NCS1: variants seen among roughly 807,000 people sequenced by gnomAD.
NCS1 encodes the protein neuronal calcium sensor 1.
Under a neutral mutation model 28.4 loss-of-function variants are expected in NCS1, and 6 were observed. That is an observed-to-expected ratio of 0.21 (90% CI 0.12 to 0.42). NCS1 has a LOEUF of 0.42. NCS1 is among the 10% of genes least tolerant of loss of function. The pLI is 1.00. For missense variants in NCS1, 131 were observed against 241.4 expected (o/e 0.54, Z 3.03); for synonymous variants, 86 against 99.3 (o/e 0.87, Z 0.79).
chr9:130,217,774 G>A lies in NCS1; in HGVS notation c.90-58G>A. 3 of 1,611,640 alleles carry A rather than the reference G, an allele frequency of 1.9e-6. No homozygotes were observed. In the African/African-American group the frequency reaches 4.0e-5, roughly 21 times the overall value. ...GGGCCCCGGGCAGGCGATGTTGGTG[G>A]TGGGTGGGTGATGTTGGCGTCTCCT... On this transcript the variant is annotated intron_variant, in intron 2 of 7. Coordinates refer to ENST00000372398, the MANE Select transcript of NCS1 (RefSeq NM_014286.4).
chr9:130,174,052 A>G (rs1309738580), intron 1 of NCS1, among the ~76,000 whole-genome samples: 1 of 152,224 alleles, frequency 6.6e-6, no homozygotes, highest in Non-Finnish European at 1.5e-5. Context: ...CCCTGGGCAC[A>G]GGGGCTGTTC....
chr9:130,172,778 C>A, intron 1 of NCS1, 51 bp downstream of exon 1: 1 of 915,330 alleles, frequency 1.1e-6, no homozygotes, highest in Non-Finnish European at 1.5e-6. Context: ...CCCACACCCA[C>A]CGCCCCCGCC....
At chr9:130,174,752 G>A (rs1278507351) in intron 1 of NCS1, among the ~76,000 whole-genome samples, 21 of 139,082 alleles carry the variant, frequency 1.5e-4, no homozygotes, top group African/African-American at 4.9e-4. Context: ...CGGAGGTTGC[G>A]GTGAGGTGAG....
In NCS1 at chr9:130,203,046, ATGTGTGTGTG is replaced by A. The variant is rs113946626; in HGVS notation, c.89+2090_89+2099del. On this transcript the variant is annotated intron_variant, in intron 2 of 7. Coordinates refer to ENST00000372398, the MANE Select transcript of NCS1 (RefSeq NM_014286.4). ...CTGAGCTCTTGCCTCCAGGGTAAATATGTGTGTGTGTGTGTGTGTGTGTGTGTGTGTGTGT... is the reference window on the plus strand; with the variant it reads ...CTGAGCTCTTGCCTCCAGGGTAAATATGTGTGTGTGTGTGTGTGTGTGTGT... Among the ~76,000 whole-genome samples, 40 of 142,712 alleles carry A rather than the reference ATGTGTGTGTG, an allele frequency of 2.8e-4. No individual in the cohort carries two copies. In the South Asian group the frequency reaches 4.2e-3, roughly 15 times the overall value. The allele number at this position is 142,712 out of a possible 152,430, so 93.6% of individuals were successfully genotyped here.
At chr9:130,176,145 T>TCTTTCTTTCTTC (rs1832562144) in intron 1 of NCS1, among the ~76,000 whole-genome samples, 2 of 51,600 alleles carry the variant, frequency 3.9e-5, no homozygotes, top group East Asian at 1.4e-3. Context: ...TCATTTTCTT[T>TCTTTCTTTCTTC]CTTTCTTTCT....
intron 7 of NCS1, among the ~76,000 whole-genome samples, chr9:130,228,107 A>T (rs1401147238): frequency 2.0e-5 from 3 of 152,176 alleles, no homozygotes; most frequent in Non-Finnish European, 4.4e-5. Flanking sequence ...AGAGAGAAGG[A>T]GAGAAAGAGA....
In NCS1 at chr9:130,223,065, C is replaced by G; in HGVS notation, c.397-17C>G. The G allele has an allele frequency of 6.2e-7, 1 of 1,611,012 alleles. No individual in the cohort carries two copies. The highest frequency in any genetic ancestry group is 8.5e-7 in the Non-Finnish European group (1 of 1,177,532). On this transcript the variant is annotated splice_polypyrimidine_tract_variant and intron_variant, in intron 5 of 7. Coordinates refer to ENST00000372398, the MANE Select transcript of NCS1 (RefSeq NM_014286.4). ...CCAGAGTGCCAGGGCCCACCCCCGC[C>G]TTGTCCGTCCCTGCAGGGGAATACC...
chr9:130,211,167 A>G (rs1833108131), intron 2 of NCS1, among the ~76,000 whole-genome samples: 2 of 151,640 alleles, frequency 1.3e-5, no homozygotes, highest in African/African-American at 4.8e-5. Flanking sequence ...GTTTTATATT[A>G]CAGAGTTCCT....
At chr9:130,210,723 C>T (rs1021603442) in intron 2 of NCS1, among the ~76,000 whole-genome samples, 50 of 152,238 alleles carry the variant, frequency 3.3e-4, no homozygotes, top group African/African-American at 1.1e-3. Context: ...TCACCTGCCC[C>T]AGGTCACACA....
intron 1 of NCS1, among the ~76,000 whole-genome samples, chr9:130,197,430 A>G (rs991072640): frequency 3.3e-5 from 5 of 152,202 alleles, no homozygotes; most frequent in South Asian, 2.1e-4. Flanking sequence ...ACCCAGACAC[A>G]ATGGTTGAGA....
intron 1 of NCS1, among the ~76,000 whole-genome samples, chr9:130,194,787 A>G (rs1242316180): frequency 1.3e-5 from 2 of 152,224 alleles, no homozygotes; most frequent in African/African-American, 4.8e-5. Context: ...CTGGGCCTGC[A>G]GGCCTGGAGG....
intron 2 of NCS1, among the ~76,000 whole-genome samples, chr9:130,214,725 T>C (rs1588121646): frequency 6.6e-6 from 1 of 151,160 alleles, no homozygotes; most frequent in African/African-American, 2.4e-5. Context: ...GGGTGTGGAG[T>C]ATGGGGGGTT....
chr9:130,180,879 CG>C lies in NCS1; in HGVS notation c.64+8154del, dbSNP rs1832644775. ...AACATGGAGGGCCTCTGTGGTGGCC[CG>C]GCTGGGTTGGTGGCCGGATTGTTCT... On this transcript the variant is annotated intron_variant, in intron 1 of 7. Transcript: ENST00000372398. This position sits in a 1 kb window ranked among gnomAD's most constrained non-coding sequence, Gnocchi z 4.5. Among the ~76,000 whole-genome samples the C allele has an allele frequency of 6.6e-6, 1 of 152,066 alleles. No homozygotes were observed. Among genetic ancestry groups the C allele is most frequent in the Non-Finnish European group, 1.5e-5 (1 of 68,042 alleles).
At chr9:130,183,677 TTCTTC>T (rs1832698375) in intron 1 of NCS1, among the ~76,000 whole-genome samples, 1 of 148,454 alleles carries the variant, frequency 6.7e-6, no homozygotes, top group Non-Finnish European at 1.5e-5. Context: ...TTCTCTCTCT[TTCTTC>T]CTTCCTTTCT....
In NCS1 at chr9:130,233,587, A is replaced by AT. The variant is rs1833529262; in HGVS notation, c.*617dup. The AT allele has an allele frequency of 6.7e-6, 1 of 148,330 alleles. No homozygotes were observed. The highest frequency in any genetic ancestry group is 6.9e-5 in the Admixed American group (1 of 14,528). The allele number at this position is 148,330 out of a possible 1,614,324, so 9.2% of individuals were successfully genotyped here. On this transcript the variant is annotated 3_prime_UTR_variant, in exon 8 of 8. Coordinates refer to ENST00000372398, the MANE Select transcript of NCS1 (RefSeq NM_014286.4). This position sits in a 1 kb window ranked among gnomAD's most constrained non-coding sequence, Gnocchi z 4.8. ...TGATGATTTTTTTTGTGATAACAGTATTGTGCTTTTTGTGGGGAAAGTGAG... is the reference window on the plus strand; with the variant it reads ...TGATGATTTTTTTTGTGATAACAGTATTTGTGCTTTTTGTGGGGAAAGTGAG...
intron 6 of NCS1, among the ~76,000 whole-genome samples, chr9:130,224,317 G>A (rs1833380570): frequency 6.7e-6 from 1 of 149,088 alleles, no homozygotes; most frequent in African/African-American, 2.5e-5. Flanking sequence ...AAAAAAATCC[G>A]GGAGGCAGCA....
chr9:130,174,451 G>C (rs918107259), intron 1 of NCS1, among the ~76,000 whole-genome samples: 2 of 152,192 alleles, frequency 1.3e-5, no homozygotes, highest in African/African-American at 4.8e-5. Flanking sequence ...GCATTCCCAT[G>C]ATCCCACAGC....
At chr9:130,221,576 C>T (rs765587818) in intron 4 of NCS1, among the ~76,000 whole-genome samples, 13 of 144,786 alleles carry the variant, frequency 9.0e-5, no homozygotes, top group African/African-American at 2.8e-4. Context: ...GAACTACAGG[C>T]GCCCGCCACC....
intron 1 of NCS1, among the ~76,000 whole-genome samples, chr9:130,190,005 C>T (rs1329608127): frequency 8.0e-6 from 1 of 125,614 alleles, no homozygotes; most frequent in Non-Finnish European, 1.6e-5. Context: ...TGGCTTGAGC[C>T]AGGGGGTAGT....
Sources: gnomAD v4.1 joint callset for allele counts (sites outside exome capture counted in the v4.1 genomes callset) on GRCh38, gnomAD v4.1.1 for gene constraint, Gnocchi (gnomAD v3.1) non-coding constraint, MANE v1.5 for transcripts, NCBI Gene and HGNC (gene_info 2026-07-23, HGNC 2026-07-21) for gene names.